The following BCL10 variants were observed in gnomAD, a reference collection of about 807,000 sequenced individuals.
BCL10 encodes the protein BCL10 immune signaling adaptor.
In BCL10, 5 loss-of-function variants were observed where a neutral mutation model predicts 19.2. That is an observed-to-expected ratio of 0.26 (90% CI 0.14 to 0.55). The LOEUF is 0.55. Ranked by LOEUF, BCL10 falls within the 20% of genes least tolerant of loss-of-function variation. BCL10 has a pLI of 0.94. For synonymous variants in BCL10, 110 were observed against 98.8 expected, an observed-to-expected ratio of 1.11 and a Z score of -0.67; for missense variants, 201 against 271.9, an observed-to-expected ratio of 0.74 and a Z score of 1.83.
intron 2 of BCL10, 100 bp downstream of exon 2, chr1:85,270,518 C>T: frequency 9.3e-7 from 1 of 1,075,116 alleles, no homozygotes. Flanking sequence ...AAGCAATCCT[C>T]CTGCCTTGGC....
At chr1:85,273,203 C>T (rs958788208) in intron 1 of BCL10, among the ~76,000 whole-genome samples, 1 of 152,202 alleles carries the variant, frequency 6.6e-6, no homozygotes, top group Non-Finnish European at 1.5e-5. Flanking sequence ...TTTCCCAATT[C>T]ATTCCCAGAC....
chr1:85,275,656 A>G (rs572738511), intron 1 of BCL10, among the ~76,000 whole-genome samples: 1 of 152,352 alleles, frequency 6.6e-6, no homozygotes, highest in East Asian at 1.9e-4. Flanking sequence ...TTACGAATAA[A>G]TATGAAGGTT....
intron 1 of BCL10, among the ~76,000 whole-genome samples, chr1:85,272,683 C>T (rs761839585): frequency 1.3e-5 from 2 of 152,112 alleles, no homozygotes; most frequent in African/African-American, 2.4e-5. Flanking sequence ...AACCTCAGTG[C>T]AAATCTTGAA....
At chr1:85,269,501 A>T (rs1660302085) in intron 2 of BCL10, among the ~76,000 whole-genome samples, 1 of 152,186 alleles carries the variant, frequency 6.6e-6, no homozygotes, top group Non-Finnish European at 1.5e-5. Flanking sequence ...TAGTTTTTCA[A>T]CCTCACAGTA....
At chr1:85,268,738 A>T (rs1178042220) in intron 2 of BCL10, among the ~76,000 whole-genome samples, 1 of 147,626 alleles carries the variant, frequency 6.8e-6, no homozygotes, top group Admixed American at 7.0e-5. Context: ...ATTGCACTCC[A>T]GCCTGGGTGA....
chr1:85,267,932 G>C lies in BCL10; in HGVS notation c.397C>G (p.Leu133Val). 6.2e-7 allele frequency: 1 copy of C among 1,606,046 alleles called. No individual in the cohort carries two copies. Among genetic ancestry groups the C allele is most frequent in the Non-Finnish European group, 8.5e-7 (1 of 1,175,442 alleles). The change falls in exon 3 of 3, where the codon CTC (leucine) becomes GTC (valine). Residue 133 changes from leucine (L) to valine (V), a missense_variant. Leu to Val is a conservative substitution (Grantham distance 32, BLOSUM62 1). Around this residue, in one of 3 missense-constraint regions of BCL10, gnomAD observed 126 missense variants for 136.6 expected, o/e 0.92. Transcript: ENST00000648566. ...EPFPDGATNN[L>V]SRSNSDESNF... ...CTCTCATCTGAATTTGATCTGGAGAGGTTGTTCGTGGCTCCATCTGGAAAA... is the reference window on the plus strand; with the variant it reads ...CTCTCATCTGAATTTGATCTGGAGACGTTGTTCGTGGCTCCATCTGGAAAA...
At chr1:85,275,205 C>T (rs1013105598) in intron 1 of BCL10, among the ~76,000 whole-genome samples, 5 of 152,164 alleles carry the variant, frequency 3.3e-5, no homozygotes, top group African/African-American at 1.2e-4. Context: ...TATTTATGTT[C>T]CATTCTTATC....
rs114021058 is a variant in BCL10 at position 85,271,923 on chromosome 1, T to G, written c.58-1017A>C. Among the ~76,000 whole-genome samples, 117 of 152,326 alleles carry G rather than the reference T, an allele frequency of 7.7e-4. 1 individual carries two copies. Among genetic ancestry groups the G allele is most frequent in the African/African-American group, 2.7e-3 (112 of 41,574 alleles). On this transcript the variant is annotated intron_variant, in intron 1 of 2. Transcript: ENST00000648566. ...ATTTTACAAATCTAAATTCCTAATATGCCGAGTGCTGAGCACTGAGTATAC... is the reference window on the plus strand; with the variant it reads ...ATTTTACAAATCTAAATTCCTAATAGGCCGAGTGCTGAGCACTGAGTATAC...
intron 2 of BCL10, among the ~76,000 whole-genome samples, chr1:85,269,295 C>T (rs1253514286): frequency 6.6e-6 from 1 of 152,160 alleles, no homozygotes; most frequent in Non-Finnish European, 1.5e-5. Flanking sequence ...ACTTAGATAC[C>T]ATCAAAGAAT....
chr1:85,271,396 G>A (rs1172148620), intron 1 of BCL10, among the ~76,000 whole-genome samples: 1 of 152,068 alleles, frequency 6.6e-6, no homozygotes, highest in Non-Finnish European at 1.5e-5. Flanking sequence ...AACTGAAAGA[G>A]CCCATAATGT....
chr1:85,271,741 T>C (rs1182495120), intron 1 of BCL10, among the ~76,000 whole-genome samples: 1 of 152,210 alleles, frequency 6.6e-6, no homozygotes, highest in Non-Finnish European at 1.5e-5. Context: ...AATAAAGATA[T>C]GCAAAGTGCT....
At chr1:85,275,445 T>TA (rs912920309) in intron 1 of BCL10, among the ~76,000 whole-genome samples, 2 of 152,194 alleles carry the variant, frequency 1.3e-5, no homozygotes, top group Admixed American at 6.5e-5. Context: ...GATGAACATT[T>TA]AAAAAGTTGC....
chr1:85,270,515 C>T, intron 2 of BCL10, 103 bp downstream of exon 2: 1 of 1,042,828 alleles, frequency 9.6e-7, no homozygotes. Flanking sequence ...CTCAAGCAAT[C>T]CTCCTGCCTT....
At chr1:85,275,812 A>G (rs1660507336) in intron 1 of BCL10, among the ~76,000 whole-genome samples, 1 of 152,188 alleles carries the variant, frequency 6.6e-6, no homozygotes, top group African/African-American at 2.4e-5. Flanking sequence ...GGGGAATTCC[A>G]GGTTGTGCTT....
chr1:85,275,937 G>A lies in BCL10; in HGVS notation c.57+359C>T, dbSNP rs78420282. 7.6e-4 allele frequency among the ~76,000 whole-genome samples: 116 copies of A among 152,362 alleles called. 2 individuals are homozygous for A. The East Asian group carries it at 0.02, about 27-fold the overall frequency. On this transcript the variant is annotated intron_variant, in intron 1 of 2. Coordinates refer to ENST00000648566, the MANE Select transcript of BCL10 (RefSeq NM_003921.5). ...CGCTCTAGGCTGAGTGAGCAGCCTA[G>A]GCAGCCTGACTTAAGGATGAATCTG...
chr1:85,276,530 T>C lies in BCL10; in HGVS notation c.-178A>G. 6.1e-6 allele frequency: 4 copies of C among 653,740 alleles called. No homozygotes were observed. The highest frequency in any genetic ancestry group is 1.0e-5 in the Non-Finnish European group (4 of 383,906). 40.5% of individuals were successfully genotyped at this position (653,740 alleles called of 1,614,324 possible). A position where few individuals can be genotyped will look rare whatever the true frequency, so the allele number is the denominator to read the frequency against. ...GGACTCGGGGGTCAAACCGTAGCGC[T>C]TCCGGCCCCGCCTCTGAGGTCGACG... is the stretch of plus-strand genomic sequence containing the variant. On this transcript the variant is annotated 5_prime_UTR_variant, in exon 1 of 3. Coordinates refer to ENST00000648566, the MANE Select transcript of BCL10 (RefSeq NM_003921.5).
rs200626032 is a variant in BCL10, at chr1:85,276,347, C to T, written c.6G>A (p.Glu2=). 9.2e-5 allele frequency: 148 copies of T among 1,613,362 alleles called. No individual in the cohort carries two copies. The highest frequency in any genetic ancestry group is 1.2e-4 in the Non-Finnish European group (144 of 1,179,606). Reference sequence around the variant, plus strand: ...CCTCGGTGAGGGACGGTGCGGTGGGCTCCATGGTGGAGGCGGGAGATGGCG... The same window carrying T: ...CCTCGGTGAGGGACGGTGCGGTGGGTTCCATGGTGGAGGCGGGAGATGGCG... M[E]PTAPSLTEED... The change falls in exon 1 of 3, where the codon GAG becomes GAA. Residue 2 remains glutamate (E), a synonymous_variant. Transcript: ENST00000648566.
intron 2 of BCL10, among the ~76,000 whole-genome samples, chr1:85,269,547 T>C (rs1347970453): frequency 5.9e-5 from 9 of 152,264 alleles, no homozygotes; most frequent in Non-Finnish European, 1.2e-4. Context: ...TACAAACTAC[T>C]TTCTTAGATA....
Position 85,276,472 on chromosome 1 carries a change from G to T in BCL10, c.-120C>A, listed in dbSNP as rs71585147. 1.9e-4 allele frequency: 225 copies of T among 1,188,912 alleles called. 1 individual carries two copies. In the East Asian group the frequency reaches 5.5e-3, roughly 29 times the overall value. 73.6% of individuals were successfully genotyped at this position (1,188,912 alleles called of 1,614,324 possible). On this transcript the variant is annotated 5_prime_UTR_variant, in exon 1 of 3. Coordinates refer to ENST00000648566, the MANE Select transcript of BCL10 (RefSeq NM_003921.5). ...AGAAGGAGAGGAGGCGGAGCGGGTC[G>T]GGAGAAAGACGGCCGCCCCTTCGGG...
Sources: gnomAD v4.1 joint callset for allele counts (sites outside exome capture counted in the v4.1 genomes callset) on GRCh38, gnomAD v4.1.1 for gene constraint, gnomAD v4.1.1 regional missense constraint, MANE v1.5 for transcripts, NCBI Gene and HGNC (gene_info 2026-07-23, HGNC 2026-07-21) for gene names.